The following ERICH1 variants were observed in gnomAD, a reference collection of about 807,000 sequenced individuals.
ERICH1 encodes the protein glutamate rich 1, also known as glutamate-rich protein 1.
A neutral mutation model predicts 39.6 loss-of-function variants in ERICH1; 56 were observed. The observed-to-expected ratio is 1.41, with a 90% confidence interval of 1.14 to 1.77. The LOEUF is 1.77. Among genes scored for constraint, ERICH1 ranks in the 40% most tolerant of loss-of-function variants. The pLI is 0.00. For missense variants in ERICH1, 826 were observed against 575.4 expected (o/e 1.44, Z -4.45); for synonymous variants, 313 against 223.6 (o/e 1.40, Z -3.57).
chr8:638,818 C>T (rs1051015409), intron 3 of ERICH1, among the ~76,000 whole-genome samples: 17 of 152,192 alleles, frequency 1.1e-4, no homozygotes, highest in African/African-American at 3.4e-4. Flanking sequence ...CCCGGCCTGT[C>T]GTCATCGAGA....
rs1333462112 is a variant in ERICH1 at position 688,351 on chromosome 8, G to A, written c.304+4127C>T. ...TCGGCGCCATCCCGCTCTACGCTTA[G>A]CCCCACCTCGGCCCCGCCCCCCGGT... On this transcript the variant is annotated intron_variant, in intron 3 of 5. Transcript: ENST00000262109. Among the ~76,000 whole-genome samples the A allele has an allele frequency of 5.2e-5, 3 of 58,058 alleles. No individual in the cohort carries two copies. The East Asian group carries it at 8.3e-4, about 16-fold the overall frequency. The allele number at this position is 58,058 out of a possible 152,430, so 38.1% of individuals were successfully genotyped here. A position where few individuals can be genotyped will look rare whatever the true frequency, so the allele number is the denominator to read the frequency against.
At chr8:629,095 T>A (rs994084502) in intron 3 of ERICH1, among the ~76,000 whole-genome samples, 2 of 152,076 alleles carry the variant, frequency 1.3e-5, no homozygotes, top group Non-Finnish European at 2.9e-5. Context: ...TGGAAATCAT[T>A]AGGGACAAGC....
Position 714,010 on chromosome 8 carries a change from G to C in ERICH1, c.169+1851C>G, listed in dbSNP as rs867167795. On this transcript the variant is annotated intron_variant, in intron 2 of 5. Transcript: ENST00000262109. The stretch of plus-strand genomic sequence containing the variant: ...GTGCTGCACCCAGGCGGCCTCTTCC[G>C]GCATCTCTCGGTGGGATGTGCTGCA... Among the ~76,000 whole-genome samples the C allele has an allele frequency of 9.7e-3, 774 of 80,144 alleles. 2 individuals are homozygous for C. Among genetic ancestry groups the C allele is most frequent in the Middle Eastern group, 0.031 (4 of 128 alleles). 52.6% of individuals were successfully genotyped at this position (80,144 alleles called of 152,430 possible). A position where few individuals can be genotyped will look rare whatever the true frequency, so the allele number is the denominator to read the frequency against.
intron 3 of ERICH1, among the ~76,000 whole-genome samples, chr8:624,612 C>A (rs1797492078): frequency 6.6e-6 from 1 of 152,146 alleles, no homozygotes; most frequent in African/African-American, 2.4e-5. Flanking sequence ...TCAGGAAAGT[C>A]ACAATCCTGG....
At chr8:705,821 A>C (rs1156760513) in intron 2 of ERICH1, among the ~76,000 whole-genome samples, 1 of 152,228 alleles carries the variant, frequency 6.6e-6, no homozygotes, top group Non-Finnish European at 1.5e-5. Context: ...GATGTACCAC[A>C]AAAGACACTG....
At chr8:730,871 C>G (rs1585785363) in intron 1 of ERICH1, among the ~76,000 whole-genome samples, 1 of 152,318 alleles carries the variant, frequency 6.6e-6, no homozygotes, top group East Asian at 1.9e-4. Context: ...TGGCTGGGCT[C>G]GCCTCCGCCC....
chr8:621,085 T>C (rs947453431), intron 3 of ERICH1, among the ~76,000 whole-genome samples: 7 of 152,108 alleles, frequency 4.6e-5, no homozygotes, highest in East Asian at 1.9e-4. Flanking sequence ...CTGAGCACAA[T>C]AGACTTAAAT....
Position 650,188 on chromosome 8 carries a change from T to C in ERICH1, c.976+18410A>G, listed in dbSNP as rs369117716. 3.3e-5 allele frequency among the ~76,000 whole-genome samples: 5 copies of C among 152,330 alleles called. No individual in the cohort carries two copies. The South Asian group carries it at 1.0e-3, about 32-fold the overall frequency. ...ACAGCGTGGAGCCCGCGTTCCTCTC[T>C]GCACTCAGGAGCTGCGTCCCGTTCC... is the stretch of plus-strand genomic sequence containing the variant. On this transcript the variant is annotated intron_variant, in intron 3 of 3. Transcript: ENST00000522706.
intron 3 of ERICH1, among the ~76,000 whole-genome samples, chr8:633,984 G>A (rs1798218923): frequency 1.3e-5 from 2 of 152,300 alleles, no homozygotes; most frequent in South Asian, 4.1e-4. Context: ...CTTCTTGAAG[G>A]TGACACCAAA....
At chr8:688,334 A>T in intron 3 of ERICH1, among the ~76,000 whole-genome samples, 1 of 23,182 alleles carries the variant, frequency 4.3e-5, no homozygotes, top group African/African-American at 1.7e-4. Context: ...CCTCGGCGCC[A>T]TCCCGCTCTA....
chr8:720,151 T>C (rs1816958617), intron 1 of ERICH1, among the ~76,000 whole-genome samples: 1 of 152,168 alleles, frequency 6.6e-6, no homozygotes, highest in African/African-American at 2.4e-5. Flanking sequence ...AAAAGAGGAC[T>C]TGGAGGAAGA....
intron 3 of ERICH1, among the ~76,000 whole-genome samples, chr8:675,114 A>T (rs929341105): frequency 6.7e-6 from 1 of 148,634 alleles, no homozygotes; most frequent in African/African-American, 2.5e-5. Context: ...GAGGACAGAG[A>T]CGTGGCGGCC....
At chr8:671,168 G>T (rs77281248) in intron 4 of ERICH1, among the ~76,000 whole-genome samples, 1 of 133,288 alleles carries the variant, frequency 7.5e-6, no homozygotes, top group African/African-American at 2.9e-5. Flanking sequence ...TGCTCACTGG[G>T]CTCCAGGCTC....
At chr8:727,985 G>A (rs1410979058) in intron 1 of ERICH1, among the ~76,000 whole-genome samples, 1 of 152,208 alleles carries the variant, frequency 6.6e-6, no homozygotes, top group Non-Finnish European at 1.5e-5. Flanking sequence ...GAGACAGGGA[G>A]CGGCCGGACA....
chr8:706,608 T>C lies in ERICH1; in HGVS notation c.169+9253A>G, dbSNP rs888021263. 7.9e-5 allele frequency among the ~76,000 whole-genome samples: 12 copies of C among 152,032 alleles called. 1 individual carries two copies. In the South Asian group the frequency reaches 2.3e-3, roughly 29 times the overall value. On this transcript the variant is annotated intron_variant, in intron 2 of 5. Transcript: ENST00000262109. ...GACGAACATGGAGAAACCCCATCTC[T>C]ACTAAAAAAATACAAAAAAAATTAG...
chr8:680,431 C>T (rs1296763216), intron 3 of ERICH1, among the ~76,000 whole-genome samples: 1 of 151,180 alleles, frequency 6.6e-6, no homozygotes, highest in East Asian at 2.0e-4. Flanking sequence ...TGCCACCCCT[C>T]CCCTGAAAAC....
downstream of ERICH1, among the ~76,000 whole-genome samples, chr8:660,541 C>T (rs115355585): frequency 0.017 from 2,631 of 152,338 alleles, 64 homozygotes; most frequent in African/African-American, 0.06. Context: ...AGTCCCCACA[C>T]AGAGGTCCCA....
At chr8:634,362 C>T (rs541631787) in intron 3 of ERICH1, among the ~76,000 whole-genome samples, 4 of 151,688 alleles carry the variant, frequency 2.6e-5, no homozygotes, top group South Asian at 2.1e-4. Context: ...GCGCTTGGAA[C>T]CCTCGTGCAC....
intron 2 of ERICH1, among the ~76,000 whole-genome samples, chr8:702,774 G>A (rs1475576283): frequency 6.6e-6 from 1 of 152,176 alleles, no homozygotes; most frequent in Non-Finnish European, 1.5e-5. Flanking sequence ...GGACCCTTTC[G>A]GCCAGCACAG....
Sources: gnomAD v4.1 joint callset for allele counts (sites outside exome capture counted in the v4.1 genomes callset) on GRCh38, gnomAD v4.1.1 for gene constraint, MANE v1.5 for transcripts, NCBI Gene and HGNC (gene_info 2026-07-23, HGNC 2026-07-21) for gene names.